Variants in SNX7 observed in about 807,000 individuals in gnomAD.
The protein encoded by SNX7 is sorting nexin-7.
In SNX7, 35 loss-of-function variants were observed where a neutral mutation model predicts 48.4. The ratio of observed to expected loss-of-function variants is 0.72; its 90% CI spans 0.55 to 0.96. SNX7 has a LOEUF of 0.96. Among genes scored for constraint, SNX7 ranks in the 40% least tolerant of loss-of-function variants. The probability of loss-of-function intolerance (pLI) is 0.00; values close to 1 mark genes in which losing one functional copy is unlikely to be tolerated. For missense variants in SNX7, 553 were observed against 548.9 expected, an observed-to-expected ratio of 1.01 and a Z score of -0.07; for synonymous variants, 190 against 190.2, an observed-to-expected ratio of 1.00 and a Z score of 0.01.
chr1:98,708,635 G>T (rs1019448229), intron 7 of SNX7, among the ~76,000 whole-genome samples: 1 of 152,112 alleles, frequency 6.6e-6, no homozygotes, highest in East Asian at 1.9e-4. Context: ...CTGTAATCAA[G>T]AAGGCCCTCA....
At chr1:98,755,819 A>G (rs1346826817) in intron 8 of SNX7, among the ~76,000 whole-genome samples, 1 of 151,912 alleles carries the variant, frequency 6.6e-6, no homozygotes, top group Non-Finnish European at 1.5e-5. Context: ...TATATTTAAA[A>G]TATTTATAAG....
At position 98,738,363 on chromosome 1, in the gene SNX7, G is replaced by A; in HGVS notation, c.1252G>A (p.Glu418Lys). Residue 418 changes from glutamate to lysine, a missense_variant, in exon 8 of 9, where the codon GAG becomes AAG. Physicochemically the swap from Glu to Lys is moderately conservative, Grantham distance 56. Coordinates refer to ENST00000306121, the MANE Select transcript of SNX7 (RefSeq NM_015976.5). The part of the protein sequence containing the change: ...DIKLAFTDMA[E>K]ENIHYYEQCL... ...CAAGTTAGCATTTACAGATATGGCT[G>A]AGGAGAATATCCATTATTATGAACA... 2 of 1,613,294 alleles carry A rather than the reference G, an allele frequency of 1.2e-6. No individual in the cohort carries two copies. The highest frequency in any genetic ancestry group is 1.7e-6 in the Non-Finnish European group (2 of 1,179,546).
chr1:98,738,754 G>A (rs1159128301), intron 8 of SNX7, among the ~76,000 whole-genome samples: 3 of 152,152 alleles, frequency 2.0e-5, no homozygotes, highest in Non-Finnish European at 4.4e-5. Flanking sequence ...GTCTTCTGTA[G>A]CTATTCTGAA....
At chr1:98,709,624 T>G (rs549642888) in intron 7 of SNX7, among the ~76,000 whole-genome samples, 1 of 152,230 alleles carries the variant, frequency 6.6e-6, no homozygotes, top group Non-Finnish European at 1.5e-5. Flanking sequence ...AAAGCTTTCA[T>G]TTACATCTCA....
rs1651601677 is a variant in SNX7, at chr1:98,698,850, C to G, written c.983C>G (p.Ser328Ter). ...ACTGAAAAGCGGATGTCTGGACTCT[C>G]AGAGGCCCTGCTTCCTGTTGTACAT... ...KATEKRMSGL[S>*]EALLPVVHEY... Residue 328 changes from serine to a stop codon, truncating the protein, a stop_gained, in exon 6 of 9, where the codon TCA (serine) becomes TGA (stop). Transcript: ENST00000306121. LOFTEE classifies it high-confidence loss of function. 3 of 1,613,738 alleles carry G rather than the reference C, an allele frequency of 1.9e-6. No homozygotes were observed. The highest frequency in any genetic ancestry group is 1.3e-5 in the African/African-American group (1 of 74,892).
At chr1:98,728,513 CAA>C (rs1485267043) in intron 7 of SNX7, among the ~76,000 whole-genome samples, 2 of 152,074 alleles carry the variant, frequency 1.3e-5, no homozygotes, top group East Asian at 3.8e-4. Context: ...TCAAGCTGGA[CAA>C]AGAGTCAAGA....
chr1:98,680,319 G>A (rs1650410983), intron 1 of SNX7, among the ~76,000 whole-genome samples: 1 of 152,110 alleles, frequency 6.6e-6, no homozygotes, highest in Admixed American at 6.5e-5. Flanking sequence ...CCTGAGCCCA[G>A]CCCACAAAAC....
intron 2 of SNX7, among the ~76,000 whole-genome samples, chr1:98,690,257 G>T (rs375332003): frequency 6.6e-6 from 1 of 152,070 alleles, no homozygotes; most frequent in South Asian, 2.1e-4. Flanking sequence ...GTATTGGTGT[G>T]AGTGACTGTT....
At chr1:98,701,268 A>G (rs1363298888) in intron 6 of SNX7, among the ~76,000 whole-genome samples, 1 of 152,196 alleles carries the variant, frequency 6.6e-6, no homozygotes, top group Admixed American at 6.6e-5. Flanking sequence ...AGCTTGGCTA[A>G]CTGATGAATA....
chr1:98,728,168 T>G (rs2101018998), intron 7 of SNX7, among the ~76,000 whole-genome samples: 1 of 152,250 alleles, frequency 6.6e-6, no homozygotes, highest in South Asian at 2.1e-4. Flanking sequence ...AGGAAGCCCA[T>G]CAGAATAACA....
At position 98,743,736 on chromosome 1, in the gene SNX7, G is replaced by A. The variant is rs141438741; in HGVS notation, c.1278+5347G>A. The stretch of plus-strand genomic sequence containing the variant: ...CTTATTTAGGGATTTATTTCTTGTT[G>A]TGTTGGGAAAATGGTGAAATAAATT... On this transcript the variant is annotated intron_variant, in intron 8 of 8. Coordinates refer to ENST00000306121, the MANE Select transcript of SNX7 (RefSeq NM_015976.5). 5.9e-5 allele frequency among the ~76,000 whole-genome samples: 9 copies of A among 152,168 alleles called. No homozygotes were observed. The East Asian group carries it at 7.7e-4, about 13-fold the overall frequency.
chr1:98,745,515 T>A (rs567653341), intron 8 of SNX7, among the ~76,000 whole-genome samples: 2 of 152,162 alleles, frequency 1.3e-5, no homozygotes, highest in African/African-American at 4.8e-5. Context: ...AAGAGCAGTC[T>A]ATATCTTTGG....
intron 7 of SNX7, among the ~76,000 whole-genome samples, chr1:98,729,507 G>GA (rs2101021305): frequency 7.9e-6 from 1 of 127,344 alleles, no homozygotes; most frequent in East Asian, 2.1e-4. Flanking sequence ...TTTTTTTTTT[G>GA]AAAAATTAAT....
intron 4 of SNX7, 121 bp from the exon 5 acceptor site, chr1:98,695,397 A>G: frequency 1.1e-6 from 1 of 871,042 alleles, no homozygotes; most frequent in Non-Finnish European, 1.8e-6. Context: ...ACATTAAAAA[A>G]GATTGATGCC....
intron 1 of SNX7, 34 bp from the exon 2 acceptor site, chr1:98,684,851 A>G (rs779344964): frequency 4.3e-6 from 6 of 1,401,804 alleles, no homozygotes; most frequent in East Asian, 4.8e-5. Flanking sequence ...TAATTTTTCT[A>G]TTGATACTAA....
intron 7 of SNX7, among the ~76,000 whole-genome samples, chr1:98,733,421 C>G (rs1414691561): frequency 2.0e-5 from 3 of 152,072 alleles, no homozygotes; most frequent in Admixed American, 2.0e-4. Context: ...TCCTTCAGCG[C>G]CTCCACTTGT....
At chr1:98,680,190 T>G (rs1650402842) in intron 1 of SNX7, among the ~76,000 whole-genome samples, 1 of 152,176 alleles carries the variant, frequency 6.6e-6, no homozygotes, top group African/African-American at 2.4e-5. Context: ...GGCTTGAGGC[T>G]TGCACCCTCT....
chr1:98,724,202 ATTTTC>A (rs1458225093), intron 7 of SNX7, among the ~76,000 whole-genome samples: 1 of 151,806 alleles, frequency 6.6e-6, no homozygotes, highest in Non-Finnish European at 1.5e-5. Flanking sequence ...ATTTCTTATT[ATTTTC>A]TTGTGGCAAC....
At chr1:98,675,864 A>G (rs1650132039) in intron 1 of SNX7, among the ~76,000 whole-genome samples, 1 of 152,170 alleles carries the variant, frequency 6.6e-6, no homozygotes, top group African/African-American at 2.4e-5. Context: ...TAAGAAAAAA[A>G]TCAAATATAA....
Sources: allele counts gnomAD v4.1 joint callset (sites outside exome capture counted in the v4.1 genomes callset), GRCh38; gene constraint gnomAD v4.1.1; transcripts MANE v1.5; gene names NCBI Gene and HGNC (gene_info 2026-07-23, HGNC 2026-07-21).